SSBP4: variants seen among roughly 807,000 people sequenced by gnomAD.
SSBP4 encodes the protein single stranded DNA binding protein 4.
SSBP4 carries 33 observed loss-of-function variants against 64.6 expected under a neutral mutation model. The observed-to-expected ratio is 0.51, with a 90% CI of 0.39 to 0.68. The LOEUF (loss-of-function observed/expected upper bound fraction) is 0.68, where lower values mean the gene tolerates loss of function less well. Among genes scored for constraint, SSBP4 ranks in the 30% least tolerant of loss-of-function variants. The pLI, the probability that SSBP4 is intolerant of heterozygous loss-of-function variation, is 0.00. For missense variants in SSBP4, 583 were observed against 566.8 expected (o/e 1.03, Z -0.29); for synonymous variants, 243 against 224.0 (o/e 1.08, Z -0.76).
chr19:18,422,200 G>A (rs1488024669), intron 1 of SSBP4, among the ~76,000 whole-genome samples: 2 of 152,164 alleles, frequency 1.3e-5, no homozygotes, highest in East Asian at 3.9e-4. Flanking sequence ...GAGAGCTGGT[G>A]GCAGCCTGGA....
chr19:18,403,466 C>A, the SSBP4 span, among the ~76,000 whole-genome samples: 2 of 152,108 alleles, frequency 1.3e-5, no homozygotes, highest in Admixed American at 6.6e-5. Flanking sequence ...CCCCTTCATG[C>A]AGGTCTTAGG....
At chr19:18,410,693 T>C in the SSBP4 span, among the ~76,000 whole-genome samples, 3 of 151,808 alleles carry the variant, frequency 2.0e-5, no homozygotes, top group South Asian at 4.2e-4. Context: ...CCGCTGACCC[T>C]TGGGGTCTTA....
rs984222717 is a variant in SSBP4, at chr19:18,433,750, G to A, written c.1061G>A (p.Gly354Asp). 10 of 1,433,386 alleles carry A rather than the reference G, an allele frequency of 7.0e-6. No individual in the cohort carries two copies. The highest frequency in any genetic ancestry group is 9.1e-6 in the Non-Finnish European group (10 of 1,101,496). 88.8% of individuals were successfully genotyped at this position (1,433,386 alleles called of 1,614,324 possible). ...GTGGCCGGCCTGAGCAACGCCCCGG[G>A]CACCCCGCGGGACGACGGCGAGATG... ...GAVAGLSNAP[G>D]TPRDDGEMAA... Residue 354 changes from glycine (G) to aspartate (D), a missense_variant, in exon 17 of 18, where the codon GGC (glycine) becomes GAC (aspartate). Around this residue, in one of 5 missense-constraint regions of SSBP4, gnomAD observed 31 missense variants for 58.5 expected, o/e 0.53. Transcript: ENST00000270061.
rs762402125 is a variant in SSBP4 at position 18,430,889 on chromosome 19, G to A, written c.328G>A (p.Asp110Asn). 5.0e-6 allele frequency: 8 copies of A among 1,613,344 alleles called. No individual in the cohort carries two copies. Among genetic ancestry groups the A allele is most frequent in the Non-Finnish European group, 6.8e-6 (8 of 1,179,902 alleles). The change falls in exon 5 of 18, where the codon GAC (aspartate) becomes AAC (asparagine). Residue 110 changes from aspartate to asparagine, a missense_variant. Physicochemically the swap from Asp to Asn is conservative, Grantham distance 23 (BLOSUM62 1). This residue lies in a region of SSBP4 where 444 missense variants were observed against 386.6 expected (regional missense o/e 1.15). Transcript: ENST00000270061. ...SPVMGSMAPGDTMAAGSMAAG... is the reference protein window; with the variant it reads ...SPVMGSMAPGNTMAAGSMAAG... ...CGTTATGGGGAGTATGGCCCCAGGT[G>A]ACACAATGGCCGCAGGCTCCATGGC...
chr19:18,419,721 C>CG lies in SSBP4; in HGVS notation c.59+19dup. The CG allele has an allele frequency of 8.7e-7, 1 of 1,147,774 alleles. No individual in the cohort carries two copies. The highest frequency in any genetic ancestry group is 4.0e-5 in the South Asian group (1 of 24,876). 71.1% of individuals were successfully genotyped at this position (1,147,774 alleles called of 1,614,324 possible). On this transcript the variant is annotated intron_variant, in intron 1 of 17. Coordinates refer to ENST00000270061, the MANE Select transcript of SSBP4 (RefSeq NM_032627.5). ...GGCCCGCGAGAAGTGAGTGCGGGGC[C>CG]GGGGGCGGGGCTCGGCGTCCGCGCT...
chr19:18,415,734 A>G (rs888363068), upstream of SSBP4, among the ~76,000 whole-genome samples: 1 of 152,186 alleles, frequency 6.6e-6, no homozygotes, highest in Non-Finnish European at 1.5e-5. Flanking sequence ...CCGCTAGCGC[A>G]AAGGCTTATG....
the SSBP4 span, among the ~76,000 whole-genome samples, chr19:18,411,219 G>T: frequency 6.6e-6 from 1 of 152,176 alleles, no homozygotes; most frequent in African/African-American, 2.4e-5. Context: ...AGGGTCAGGT[G>T]CATGGGCTCA....
chr19:18,415,639 G>C (rs545659981), upstream of SSBP4, among the ~76,000 whole-genome samples: 2 of 152,286 alleles, frequency 1.3e-5, no homozygotes, highest in African/African-American at 4.8e-5. Flanking sequence ...TCCCCCAGGA[G>C]GACCAAGGAG....
At chr19:18,421,061 ATGTC>A (rs1161439762) in intron 1 of SSBP4, among the ~76,000 whole-genome samples, 1 of 151,980 alleles carries the variant, frequency 6.6e-6, no homozygotes, top group Non-Finnish European at 1.5e-5. Flanking sequence ...GAGGACTTGA[ATGTC>A]TGGGTGCTGG....
rs1023328396 is a variant in SSBP4 at position 18,427,589 on chromosome 19, C to T, written c.133-163C>T. ...TGGGCTAGCATCCAGGCATCTGGTCCACATGCCCAGCCGGGACCTGCCACA... is the reference window on the plus strand; with the variant it reads ...TGGGCTAGCATCCAGGCATCTGGTCTACATGCCCAGCCGGGACCTGCCACA... On this transcript the variant is annotated intron_variant, in intron 2 of 17. Coordinates refer to ENST00000270061, the MANE Select transcript of SSBP4 (RefSeq NM_032627.5). This position sits in a 1 kb window ranked among gnomAD's most constrained non-coding sequence, Gnocchi z 4.4. Among the ~76,000 whole-genome samples, 1 of 152,168 alleles carries T rather than the reference C, an allele frequency of 6.6e-6. No individual in the cohort carries two copies. Among genetic ancestry groups the T allele is most frequent in the African/African-American group, 2.4e-5 (1 of 41,438 alleles).
the SSBP4 span, among the ~76,000 whole-genome samples, chr19:18,410,040 T>C: frequency 8.6e-5 from 13 of 151,838 alleles, no homozygotes; most frequent in African/African-American, 2.9e-4. Flanking sequence ...GTCGCCCAAG[T>C]TGGAGTGCAG....
Position 18,422,053 on chromosome 19 carries a change from C to G in SSBP4, c.59+2346C>G, listed in dbSNP as rs536919691. ...GCGGGTGCCTGTAATCCCAGCTACT[C>G]TGGAGGCTGAGGTGAAAGGATCGCT... is the stretch of plus-strand genomic sequence containing the variant. On this transcript the variant is annotated intron_variant, in intron 1 of 17. Coordinates refer to ENST00000270061, the MANE Select transcript of SSBP4 (RefSeq NM_032627.5). Among the ~76,000 whole-genome samples, 6 of 152,246 alleles carry G rather than the reference C, an allele frequency of 3.9e-5. No individual in the cohort carries two copies. The South Asian group carries it at 1.2e-3, about 32-fold the overall frequency.
chr19:18,427,925 G>T lies in SSBP4; in HGVS notation c.222G>T (p.Ala74=). ...WCVFWDLYCA[A]PDRREACEHS... is the part of the protein sequence containing the mutation. ...TCTTCTGGGACCTGTACTGCGCGGC[G>T]CCTGACAGAAGAGAGGCCTGCGAGC... Residue 74 remains alanine (A), a synonymous_variant, in exon 4 of 18, where the codon GCG becomes GCT. Coordinates refer to ENST00000270061, the MANE Select transcript of SSBP4 (RefSeq NM_032627.5). The surrounding 1 kb of genome is among the most constrained non-coding windows in gnomAD (Gnocchi z 4.4). The T allele has an allele frequency of 6.2e-7, 1 of 1,613,776 alleles. No individual in the cohort carries two copies. Among genetic ancestry groups the T allele is most frequent in the Middle Eastern group, 1.7e-4 (1 of 6,058 alleles).
the SSBP4 span, among the ~76,000 whole-genome samples, chr19:18,406,148 T>G: frequency 6.7e-6 from 1 of 149,952 alleles, no homozygotes; most frequent in African/African-American, 2.5e-5. Flanking sequence ...AGCCAAAAAC[T>G]TTATTTATTT....
chr19:18,430,176 G>C (rs1166300467), intron 4 of SSBP4, among the ~76,000 whole-genome samples: 1 of 152,064 alleles, frequency 6.6e-6, no homozygotes, highest in East Asian at 1.9e-4. Flanking sequence ...CCCCAGACGT[G>C]TTCCTCTGCC....
Position 18,427,340 on chromosome 19 carries a change from C to T in SSBP4, c.60-11C>T, listed in dbSNP as rs375907219. ...AGAGTCTGAGCTCCCTGGGCCGCCT[C>T]GCCCCCACAGGTTGGCGCTGTACGT... On this transcript the variant is annotated splice_polypyrimidine_tract_variant and intron_variant, in intron 1 of 17. Coordinates refer to ENST00000270061, the MANE Select transcript of SSBP4 (RefSeq NM_032627.5). The surrounding 1 kb of genome is among the most constrained non-coding windows in gnomAD (Gnocchi z 4.4). The T allele has an allele frequency of 3.5e-5, 56 of 1,608,600 alleles. No individual in the cohort carries two copies. The highest frequency in any genetic ancestry group is 1.6e-4 in the Middle Eastern group (1 of 6,076).
At chr19:18,409,421 A>G in the SSBP4 span, among the ~76,000 whole-genome samples, 29,133 of 152,074 alleles carry the variant, frequency 0.19, 2,879 homozygotes, top group South Asian at 0.23. Context: ...TCCTCAGCTC[A>G]GGCAATCTGT....
At chr19:18,429,982 CTG>C (rs1973211681) in intron 4 of SSBP4, among the ~76,000 whole-genome samples, 1 of 152,190 alleles carries the variant, frequency 6.6e-6, no homozygotes, top group Non-Finnish European at 1.5e-5. Flanking sequence ...CGCTGTGTGA[CTG>C]TAGGCAGAGT....
At position 18,434,082 on chromosome 19, in the gene SSBP4, C is replaced by T. The variant is rs1973793845; in HGVS notation, c.1129-135C>T. 4 of 1,381,164 alleles carry T rather than the reference C, an allele frequency of 2.9e-6. No homozygotes were observed. In the South Asian group the frequency reaches 5.2e-5, roughly 18 times the overall value. 85.6% of individuals were successfully genotyped at this position (1,381,164 alleles called of 1,614,324 possible). ...GCCTTCCCATGCATCGCCCCTCCCC[C>T]GTTCCCTCCTGTCCCCACCCCATGT... On this transcript the variant is annotated intron_variant, in intron 17 of 17. Transcript: ENST00000270061.
Sources: allele counts gnomAD v4.1 joint callset (sites outside exome capture counted in the v4.1 genomes callset), GRCh38; gene constraint gnomAD v4.1.1; regional missense constraint gnomAD v4.1.1; non-coding constraint Gnocchi (gnomAD v3.1); transcripts MANE v1.5; gene names NCBI Gene and HGNC (gene_info 2026-07-23, HGNC 2026-07-21).